FCHO1: variants seen among roughly 807,000 people sequenced by gnomAD.
FCHO1 encodes F-BAR domain only protein 1.
A neutral mutation model predicts 114.4 loss-of-function variants in FCHO1; 45 were observed. The observed-to-expected ratio is 0.39, with a 90% CI of 0.31 to 0.50. The LOEUF is 0.50. Among genes scored for constraint, FCHO1 ranks in the 20% least tolerant of loss-of-function variants. The probability of loss-of-function intolerance (pLI) is 0.77; values close to 1 mark genes in which losing one functional copy is unlikely to be tolerated. For missense variants in FCHO1, 1,042 were observed against 1,209.6 expected (o/e 0.86, Z 2.06); for synonymous variants, 480 against 488.9 (o/e 0.98, Z 0.24).
At chr19:17,772,349 A>G (rs1372841991) in intron 9 of FCHO1, 108 bp from the exon 10 acceptor site, 12 of 808,944 alleles carry the variant, frequency 1.5e-5, no homozygotes, top group Non-Finnish European at 2.1e-5. Flanking sequence ...CCCCAAATCA[A>G]TCACTGAGCC....
chr19:17,788,240 ACCCCTCCTCCCC>A, intron 28 of FCHO1, 32 bp from the exon 29 acceptor site: 1 of 655,840 alleles, frequency 1.5e-6, no homozygotes, highest in Non-Finnish European at 2.7e-6. Flanking sequence ...CCCCTCCCGT[ACCCCTCCTCCCC>A]ACCCCTCCCC....
At chr19:17,783,259 A>ATTTTTT (rs35570531) in intron 24 of FCHO1, 87 bp downstream of exon 24, 17 of 1,113,316 alleles carry the variant, frequency 1.5e-5, no homozygotes, top group Middle Eastern at 2.7e-4. Flanking sequence ...GCTTCCTGGG[A>ATTTTTT]TTTTTTCTTT....
intron 4 of FCHO1, among the ~76,000 whole-genome samples, chr19:17,759,751 G>C (rs1348025171): frequency 6.6e-6 from 1 of 151,642 alleles, no homozygotes; most frequent in Non-Finnish European, 1.5e-5. Flanking sequence ...TGACCAACAT[G>C]GTGAAACCCT....
intron 4 of FCHO1, among the ~76,000 whole-genome samples, chr19:17,757,729 A>G (rs1395002924): frequency 6.6e-6 from 1 of 152,148 alleles, no homozygotes; most frequent in Non-Finnish European, 1.5e-5. Context: ...AGCCTGGGCA[A>G]CATAGCAAGA....
At chr19:17,761,261 G>A (rs191377515) in intron 4 of FCHO1, among the ~76,000 whole-genome samples, 43 of 152,100 alleles carry the variant, frequency 2.8e-4, no homozygotes, top group African/African-American at 9.4e-4. Context: ...TCTCATAGGC[G>A]GAATTTCCAT....
At chr19:17,753,068 C>G (rs940248702) in intron 1 of FCHO1, among the ~76,000 whole-genome samples, 3 of 151,474 alleles carry the variant, frequency 2.0e-5, no homozygotes, top group African/African-American at 7.3e-5. Context: ...GGCAACAGAG[C>G]GAGACCCTGT....
intron 1 of FCHO1, chr19:17,754,110 AC>A (rs1332741185): frequency 1.3e-5 from 2 of 152,144 alleles, no homozygotes; most frequent in Non-Finnish European, 2.9e-5. Context: ...CACTGTTCCT[AC>A]GAGGCTCCCA....
intron 6 of FCHO1, 24 bp from the exon 7 acceptor site, chr19:17,766,645 G>A (rs1303851322): frequency 3.3e-5 from 54 of 1,613,600 alleles, no homozygotes; most frequent in Non-Finnish European, 4.6e-5. Flanking sequence ...GATGAACCCT[G>A]GGTGTGACCT....
chr19:17,782,977 A>G, intron 23 of FCHO1, 40 bp from the exon 24 acceptor site: 1 of 1,604,878 alleles, frequency 6.2e-7, no homozygotes, highest in Non-Finnish European at 8.5e-7. Flanking sequence ...GGCACCAGGC[A>G]GAGCCCTAAG....
In FCHO1 at chr19:17,776,085, C is replaced by T. The variant is rs2092596893; in HGVS notation, c.1106C>T (p.Pro369Leu). ...VHIKPAPARAPACSPEAAAAQ... is the reference protein window; with the variant it reads ...VHIKPAPARALACSPEAAAAQ... ...ATCAAGCCTGCCCCGGCCCGGGCTC[C>T]AGCCTGCAGCCCCGAGGCAGCAGCG... is the stretch of plus-strand genomic sequence containing the variant. The change falls in exon 16 of 29, where the codon CCA becomes CTA. Residue 369 changes from proline (P) to leucine (L), a missense_variant. Around this residue, in one of 3 missense-constraint regions of FCHO1, gnomAD observed 450 missense variants for 564.1 expected, o/e 0.80. Coordinates refer to ENST00000596536, the MANE Select transcript of FCHO1 (RefSeq NM_015122.3). The surrounding 1 kb of genome is among the most constrained non-coding windows in gnomAD (Gnocchi z 4.4). 3 of 1,612,206 alleles carry T rather than the reference C, an allele frequency of 1.9e-6. No homozygotes were observed. The highest frequency in any genetic ancestry group is 2.5e-6 in the Non-Finnish European group (3 of 1,179,942).
intron 20 of FCHO1, among the ~76,000 whole-genome samples, chr19:17,779,331 CCT>C (rs367863454): frequency 6.6e-6 from 1 of 151,980 alleles, no homozygotes; most frequent in African/African-American, 2.4e-5. Context: ...TGAATGTTAC[CCT>C]GAGTAACGCT....
Position 17,776,782 on chromosome 19 carries a change from G to C in FCHO1, c.1259+96G>C. 8.4e-7 allele frequency: 1 copy of C among 1,186,652 alleles called. No individual in the cohort carries two copies. The highest frequency in any genetic ancestry group is 1.2e-6 in the Non-Finnish European group (1 of 817,376). The allele number at this position is 1,186,652 out of a possible 1,614,324, so 73.5% of individuals were successfully genotyped here. On this transcript the variant is annotated intron_variant, in intron 18 of 28. Transcript: ENST00000596536. This position sits in a 1 kb window ranked among gnomAD's most constrained non-coding sequence, Gnocchi z 4.4. The stretch of plus-strand genomic sequence containing the variant: ...TGGTGTTCTCTTGTCCCGGCTGGGA[G>C]TTGACGTCATGCTGGGGTTTTTTTG...
upstream of FCHO1, among the ~76,000 whole-genome samples, chr19:17,749,120 A>T (rs2081317131): frequency 6.6e-6 from 1 of 152,078 alleles, no homozygotes; most frequent in Non-Finnish European, 1.5e-5. Context: ...CCTGACCCAC[A>T]TACCATCACC....
intron 23 of FCHO1, among the ~76,000 whole-genome samples, chr19:17,782,660 C>T (rs577860047): frequency 3.3e-5 from 5 of 152,216 alleles, no homozygotes; most frequent in Middle Eastern, 3.4e-3. Flanking sequence ...TTGGGGTGGC[C>T]TTCAGCAGAA....
At chr19:17,760,349 C>T (rs918330671) in intron 4 of FCHO1, among the ~76,000 whole-genome samples, 2 of 152,066 alleles carry the variant, frequency 1.3e-5, no homozygotes, top group Admixed American at 1.3e-4. Flanking sequence ...CCGCGCCCGG[C>T]CTGATTACCA....
intron 20 of FCHO1, among the ~76,000 whole-genome samples, chr19:17,779,744 A>C (rs1203185015): frequency 4.8e-5 from 1 of 20,636 alleles, no homozygotes; most frequent in Non-Finnish European, 9.3e-5. Context: ...AGGATGGGGA[A>C]GGGGTGGAGT....
chr19:17,754,197 G>C (rs1164864898), intron 1 of FCHO1, 120 bp from the exon 2 acceptor site: 1 of 152,266 alleles, frequency 6.6e-6, no homozygotes, highest in Non-Finnish European at 1.5e-5. Flanking sequence ...CTGGCCTCTA[G>C]AACATGCCAA....
rs555106792 is a variant in FCHO1 at position 17,774,174 on chromosome 19, G to T, written c.791-65G>T. The T allele has an allele frequency of 2.2e-5, 33 of 1,507,768 alleles. No individual in the cohort carries two copies. In the African/African-American group the frequency reaches 2.5e-4, roughly 11 times the overall value. 93.4% of individuals were successfully genotyped at this position (1,507,768 alleles called of 1,614,324 possible). A position where few individuals can be genotyped will look rare whatever the true frequency, so the allele number is the denominator to read the frequency against. On this transcript the variant is annotated intron_variant, in intron 11 of 28. Coordinates refer to ENST00000596536, the MANE Select transcript of FCHO1 (RefSeq NM_015122.3). ...TCCGCCCGCCTTAGCCTCCCAAAGT[G>T]CTGGGATTACAGGCATGGGCCACCG...
Position 17,783,021 on chromosome 19 carries a change from C to T in FCHO1, c.1942C>T (p.Leu648=). 6.2e-7 allele frequency: 1 copy of T among 1,614,072 alleles called. No individual in the cohort carries two copies. Among genetic ancestry groups the T allele is most frequent in the Non-Finnish European group, 8.5e-7 (1 of 1,179,956 alleles). ...CAGTCCCCTCATCCTCCCTAGCTGC[C>T]TGGCTCGAGTAACTGGGGAGCTGAC... ...AYFRGHSPSC[L]ARVTGELTMT... is the part of the protein sequence containing the mutation. Residue 648 remains leucine (L), a synonymous_variant, in exon 24 of 29, where the codon CTG becomes TTG. Transcript: ENST00000596536.
Sources: allele counts gnomAD v4.1 joint callset (sites outside exome capture counted in the v4.1 genomes callset), GRCh38; gene constraint gnomAD v4.1.1; regional missense constraint gnomAD v4.1.1; non-coding constraint Gnocchi (gnomAD v3.1); transcripts MANE v1.5; gene names NCBI Gene and HGNC (gene_info 2026-07-23, HGNC 2026-07-21).